MYH7B: variants seen among roughly 807,000 people sequenced by gnomAD.
The protein encoded by MYH7B is myosin heavy chain 7B.
MYH7B carries 205 observed loss-of-function variants against 234.5 expected under a neutral mutation model. That is an observed-to-expected ratio of 0.87 (90% CI 0.78 to 0.98). The LOEUF is 0.98. Ranked by LOEUF, MYH7B falls within the 50% of genes least tolerant of loss-of-function variation. The pLI, the probability that MYH7B is intolerant of heterozygous loss-of-function variation, is 0.00. For synonymous variants in MYH7B, 1,193 were observed against 1,105.0 expected, an observed-to-expected ratio of 1.08 and a Z score of -1.58; for missense variants, 2,652 against 2,633.4, an observed-to-expected ratio of 1.01 and a Z score of -0.15.
intron 36 of MYH7B, 34 bp downstream of exon 36, chr20:34,999,439 G>T: frequency 6.6e-7 from 1 of 1,514,512 alleles, no homozygotes; most frequent in East Asian, 2.3e-5. Flanking sequence ...CCAGGGTGCT[G>T]CCCTGGGGTC....
intron 2 of MYH7B, among the ~76,000 whole-genome samples, chr20:34,974,248 T>TTC (rs946824488): frequency 3.6e-4 from 53 of 148,806 alleles, no homozygotes; most frequent in South Asian, 2.1e-3. Context: ...TTTTTTTTTT[T>TTC]AAGTAGAAAC....
chr20:34,988,213 T>TG lies in MYH7B; in HGVS notation c.1538_1539insG (p.Phe513LeufsTer7), dbSNP rs747129777. The stretch of plus-strand genomic sequence containing the variant: ...AAGCGGGAGGGCATCGACTGGGTCT[T>TG]CATCGACTTCGGCCTTGACCTGCAG... On this transcript the variant is annotated frameshift_variant, in exon 19 of 45. Coordinates refer to ENST00000262873, the Ensembl canonical transcript of MYH7B. LOFTEE classifies it high-confidence loss of function. 10 of 1,614,160 alleles carry TG rather than the reference T, an allele frequency of 6.2e-6. No individual in the cohort carries two copies. The Admixed American group carries it at 1.5e-4, about 24-fold the overall frequency.
chr20:34,982,214 C>T (rs1232611869), intron 9 of MYH7B, among the ~76,000 whole-genome samples: 1 of 152,078 alleles, frequency 6.6e-6, no homozygotes, highest in Non-Finnish European at 1.5e-5. Flanking sequence ...TGTAACTGAG[C>T]CAATGGAGTA....
rs762095654 is a variant in MYH7B at position 34,982,452 on chromosome 20, G to A, written c.528-7G>A. ...GGCATTGGTGACTCATGTTTGTGTC[G>A]TCCAAGCGGAGAGTCGGGGGCCGGT... On this transcript the variant is annotated splice_polypyrimidine_tract_variant and splice_region_variant and intron_variant, in intron 9 of 44. Coordinates refer to ENST00000262873, the Ensembl canonical transcript of MYH7B. The A allele has an allele frequency of 1.4e-5, 23 of 1,613,676 alleles. No homozygotes were observed. Among genetic ancestry groups the A allele is most frequent in the Non-Finnish European group, 1.9e-5 (22 of 1,179,834 alleles).
chr20:34,968,888 G>C lies in MYH7B; in HGVS notation c.-221-6512G>C, dbSNP rs758254890. On this transcript the variant is annotated intron_variant, in intron 2 of 44. Coordinates refer to ENST00000262873, the Ensembl canonical transcript of MYH7B. ...GGGAGGCCAGCACACAAGGGGCTGG[G>C]GGCGGGACTGGGCTTCTTGGGGTTG... Among the ~76,000 whole-genome samples, 131 of 152,250 alleles carry C rather than the reference G, an allele frequency of 8.6e-4. 2 individuals carry two copies. The highest frequency in any genetic ancestry group is 3.1e-4 in the Non-Finnish European group (21 of 68,042).
intron 2 of MYH7B, among the ~76,000 whole-genome samples, chr20:34,967,049 T>C (rs1240467087): frequency 4.0e-5 from 6 of 151,240 alleles, no homozygotes; most frequent in African/African-American, 1.5e-4. Context: ...GCCAACATAG[T>C]GAAACCCCGT....
intron 24 of MYH7B, among the ~76,000 whole-genome samples, chr20:34,991,455 T>C (rs1050711498): frequency 6.6e-6 from 1 of 152,200 alleles, no homozygotes; most frequent in African/African-American, 2.4e-5. Context: ...TTTACTGAGC[T>C]ACAAAAACAG....
intron 2 of MYH7B, among the ~76,000 whole-genome samples, chr20:34,962,327 G>A (rs532045193): frequency 3.9e-4 from 59 of 152,156 alleles, no homozygotes; most frequent in Non-Finnish European, 7.4e-4. Flanking sequence ...GAATTGCCGG[G>A]TAATATGGTA....
At chr20:35,000,674 C>T (rs1052551986) in exon 39 of MYH7B, 30 of 1,591,518 alleles carry the variant, frequency 1.9e-5, no homozygotes, top group African/African-American at 2.7e-5. Context: ...AGCGCCTCAA[C>T]CTTCTGCATT....
At chr20:34,991,172 C>A in intron 24 of MYH7B, 51 bp downstream of exon 24, 1 of 1,314,326 alleles carries the variant, frequency 7.6e-7, no homozygotes, top group Non-Finnish European at 1.1e-6. Context: ...GCCTGAGGGG[C>A]TGGGCAGGAC....
intron 26 of MYH7B, 99 bp from the exon 27 acceptor site, chr20:34,994,047 G>T (rs959173052): frequency 6.8e-7 from 1 of 1,479,446 alleles, no homozygotes; most frequent in Admixed American, 1.9e-5. Context: ...GCTACTCCAT[G>T]AGGCTGCTGG....
chr20:34,996,629 A>G (rs2082264522), exon 30 of MYH7B: 2 of 1,612,030 alleles, frequency 1.2e-6, no homozygotes, highest in African/African-American at 2.7e-5. Context: ...TGCTCCCTGG[A>G]GCAGGAGAAG....
chr20:34,986,093 T>C lies in MYH7B; in HGVS notation c.806-7T>C. ...GGAGATGGCAGGCCAGCGTCCCTTC[T>C]CCCCAGATCTCCTGGAGAAGTCGCG... On this transcript the variant is annotated splice_region_variant and splice_polypyrimidine_tract_variant and intron_variant, in intron 13 of 44. Coordinates refer to ENST00000262873, the Ensembl canonical transcript of MYH7B. 6.4e-7 allele frequency: 1 copy of C among 1,572,932 alleles called. No homozygotes were observed. Among genetic ancestry groups the C allele is most frequent in the Non-Finnish European group, 8.6e-7 (1 of 1,157,376 alleles).
chr20:34,962,462 GACCTCCCATGGATACCA>G (rs573383491), intron 2 of MYH7B, among the ~76,000 whole-genome samples: 2 of 152,102 alleles, frequency 1.3e-5, no homozygotes, highest in South Asian at 4.1e-4. Flanking sequence ...TTGGTTCCAG[GACCTCCCATGGATACCA>G]ACATCCAAGG....
intron 16 of MYH7B, 44 bp from the exon 17 acceptor site, chr20:34,987,513 G>A (rs768239742): frequency 2.6e-5 from 39 of 1,511,840 alleles, no homozygotes; most frequent in Middle Eastern, 1.7e-4. Flanking sequence ...CCCTGAGTGC[G>A]CATGGTGGTG....
At chr20:34,997,513 C>A (rs749465531) in exon 32 of MYH7B, 1 of 1,594,662 alleles carries the variant, frequency 6.3e-7, no homozygotes, top group East Asian at 2.3e-5. Context: ...GCGGAGGGCG[C>A]GGCGGAGCTG....
In MYH7B at chr20:34,995,927, G is replaced by A. The variant is rs1012469744; in HGVS notation, c.2943+349G>A. Among the ~76,000 whole-genome samples, 7 of 152,356 alleles carry A rather than the reference G, an allele frequency of 4.6e-5. 1 individual carries two copies. The Middle Eastern group carries it at 0.01, about 222-fold the overall frequency. The stretch of plus-strand genomic sequence containing the variant: ...GCTCGGCATCCCGCAGGTGACTTCT[G>A]CCCTTGAGCCCTCGTGATGGCCCCT... On this transcript the variant is annotated intron_variant, in intron 28 of 44. Coordinates refer to ENST00000262873, the Ensembl canonical transcript of MYH7B.
chr20:34,987,282 C>T, exon 16 of MYH7B: 2 of 1,610,632 alleles, frequency 1.2e-6, no homozygotes, highest in Non-Finnish European at 1.7e-6. Flanking sequence ...GCCGATGGCA[C>T]TGAGAGTGAG....
At chr20:34,981,450 G>A (rs2081939989) in intron 9 of MYH7B, 2 of 228,712 alleles carry the variant, frequency 8.7e-6, no homozygotes, top group South Asian at 1.4e-4. Flanking sequence ...TCTTTCCATT[G>A]CCTCTGTGGG....
Sources: gnomAD v4.1 joint callset for allele counts (sites outside exome capture counted in the v4.1 genomes callset) on GRCh38, gnomAD v4.1.1 for gene constraint, MANE v1.5 for transcripts, NCBI Gene and HGNC (gene_info 2026-07-23, HGNC 2026-07-21) for gene names.